The following INO80E variants were observed in gnomAD, a reference collection of about 807,000 sequenced individuals.
INO80E encodes coiled-coil domain containing 95.
INO80E carries 20 observed loss-of-function variants against 27.3 expected under a neutral mutation model. The ratio of observed to expected loss-of-function variants is 0.73; its 90% CI spans 0.51 to 1.06. The LOEUF (loss-of-function observed/expected upper bound fraction) is 1.06. INO80E is among the 50% of genes least tolerant of loss of function. The pLI is 0.00. For missense variants in INO80E, 357 were observed against 322.8 expected, an observed-to-expected ratio of 1.11 and a Z score of -0.81; for synonymous variants, 167 against 145.9, an observed-to-expected ratio of 1.14 and a Z score of -1.04.
chr16:30,005,165 C>T (rs989058110), intron 6 of INO80E, 56 bp from the exon 7 acceptor site: 3 of 1,427,132 alleles, frequency 2.1e-6, no homozygotes, highest in South Asian at 1.6e-5. Flanking sequence ...GCCTAGTCTC[C>T]TGAGGCCCCA....
intron 6 of INO80E, chr16:30,001,912 C>G (rs544611585): frequency 2.4e-4 from 47 of 198,168 alleles, no homozygotes; most frequent in Non-Finnish European, 4.1e-4. Context: ...TTGAGCAGGT[C>G]TCTGCTACCC....
intron 3 of INO80E, among the ~76,000 whole-genome samples, chr16:29,998,187 A>C (rs529688307): frequency 2.6e-5 from 4 of 151,202 alleles, no homozygotes; most frequent in African/African-American, 9.7e-5. Flanking sequence ...GTTACTCGGG[A>C]GGCTGAGGCA....
chr16:30,004,649 G>A (rs148411561), intron 6 of INO80E: 6 of 155,358 alleles, frequency 3.9e-5, no homozygotes, highest in East Asian at 3.9e-4. Context: ...GGCTGGGACC[G>A]CAGCCCAGGT....
At chr16:30,001,767 T>C in intron 6 of INO80E, 1 of 504,394 alleles carries the variant, frequency 2.0e-6, no homozygotes, top group Non-Finnish European at 3.5e-6. Context: ...TCCCGCCCTT[T>C]CATGGCTGCA....
At position 30,005,415 on chromosome 16, in the gene INO80E, T is replaced by C. The variant is rs2070539418; in HGVS notation, c.708T>C (p.Asp236=). 1.2e-6 allele frequency: 2 copies of C among 1,602,370 alleles called. No homozygotes were observed. Among genetic ancestry groups the C allele is most frequent in the African/African-American group, 1.4e-5 (1 of 73,916 alleles). ...GSGDDALDGD[D]DLVIDIPE ...GGGACGATGCCTTGGATGGAGACGA[T>C]GACCTGGTGATCGACATCCCGGAGT... Residue 236 remains aspartate (D), a synonymous_variant, in exon 7 of 7, where the codon GAT becomes GAC. Coordinates refer to ENST00000563197, the MANE Select transcript of INO80E (RefSeq NM_173618.3).
At chr16:30,001,151 G>C (rs2070335759) in intron 5 of INO80E, 111 bp downstream of exon 5, 3 of 1,472,448 alleles carry the variant, frequency 2.0e-6, no homozygotes, top group Non-Finnish European at 2.7e-6. Flanking sequence ...ATCTGTCTGG[G>C]TGTGGCCCAA....
At chr16:30,004,139 C>T (rs1252804407) in intron 6 of INO80E, 2 of 152,428 alleles carry the variant, frequency 1.3e-5, no homozygotes, top group Non-Finnish European at 2.9e-5. Context: ...CAGGGCCAGA[C>T]TGGACACTGC....
rs2070550607 is a variant in INO80E, at chr16:30,005,600, C to A, written c.*158C>A. ...AGGCGTAAACATGCACGGGTGTCCCCCAGGAGGGTGGCAGGGGCCCTGCCT... is the reference window on the plus strand; with the variant it reads ...AGGCGTAAACATGCACGGGTGTCCCACAGGAGGGTGGCAGGGGCCCTGCCT... On this transcript the variant is annotated 3_prime_UTR_variant, in exon 7 of 7. Coordinates refer to ENST00000563197, the MANE Select transcript of INO80E (RefSeq NM_173618.3). 3 of 727,476 alleles carry A rather than the reference C, an allele frequency of 4.1e-6. No individual in the cohort carries two copies. The highest frequency in any genetic ancestry group is 6.8e-6 in the Non-Finnish European group (3 of 441,516). The allele number at this position is 727,476 out of a possible 1,614,324, so 45.1% of individuals were successfully genotyped here. A position where few individuals can be genotyped will look rare whatever the true frequency, so the allele number is the denominator to read the frequency against.
chr16:30,002,284 T>G (rs1596677478), intron 6 of INO80E: 1 of 152,346 alleles, frequency 6.6e-6, no homozygotes, highest in African/African-American at 2.4e-5. Context: ...AGCAGGGAAT[T>G]GGGTCCCGGA....
intron 3 of INO80E, chr16:29,999,398 C>T (rs1324387117): frequency 1.3e-5 from 2 of 152,268 alleles, no homozygotes; most frequent in Admixed American, 6.5e-5. Context: ...CACTCCCGTC[C>T]TGGAGGCCCA....
Position 30,001,040 on chromosome 16 carries a change from G to C in INO80E, c.396G>C (p.Ser132=). The part of the protein sequence containing the change: ...ASGVPSPYLS[S]LASSRYPPFP... ...GGGTCCCCTCCCCATACCTGAGCTCGGTGAGTTGGGGTCAGGGATGGGAAG... is the reference window on the plus strand; with the variant it reads ...GGGTCCCCTCCCCATACCTGAGCTCCGTGAGTTGGGGTCAGGGATGGGAAG... Residue 132 remains serine, a splice_region_variant and synonymous_variant, in exon 5 of 7, where the codon TCG becomes TCC. Coordinates refer to ENST00000563197, the MANE Select transcript of INO80E (RefSeq NM_173618.3). 3 of 1,539,326 alleles carry C rather than the reference G, an allele frequency of 1.9e-6. No individual in the cohort carries two copies. The highest frequency in any genetic ancestry group is 1.8e-6 in the Non-Finnish European group (2 of 1,141,814).
rs997379972 is a variant in INO80E, at chr16:30,001,040, G to A, written c.396G>A (p.Ser132=). The A allele has an allele frequency of 1.3e-6, 2 of 1,539,326 alleles. No individual in the cohort carries two copies. Among genetic ancestry groups the A allele is most frequent in the East Asian group, 2.3e-5 (1 of 44,180 alleles). The part of the protein sequence containing the change: ...ASGVPSPYLS[S]LASSRYPPFP... ...GGGTCCCCTCCCCATACCTGAGCTCGGTGAGTTGGGGTCAGGGATGGGAAG... is the reference window on the plus strand; with the variant it reads ...GGGTCCCCTCCCCATACCTGAGCTCAGTGAGTTGGGGTCAGGGATGGGAAG... The change falls in exon 5 of 7, where the codon TCG becomes TCA. Residue 132 remains serine (S), a splice_region_variant and synonymous_variant. Transcript: ENST00000563197.
chr16:30,005,110 G>A, intron 6 of INO80E, 111 bp from the exon 7 acceptor site: 1 of 1,210,386 alleles, frequency 8.3e-7, no homozygotes, highest in Non-Finnish European at 1.1e-6. Context: ...GCCCAGCTGT[G>A]CCCAGGGCCT....
chr16:29,996,979 G>T (rs564791431), intron 3 of INO80E, 119 bp downstream of exon 3: 281 of 925,756 alleles, frequency 3.0e-4, no homozygotes, highest in Non-Finnish European at 4.3e-4. Context: ...CTTAAGCCTA[G>T]TTGCTTGCCT....
At chr16:30,001,839 G>C (rs146716283) in intron 6 of INO80E, 9 of 371,584 alleles carry the variant, frequency 2.4e-5, no homozygotes, top group East Asian at 1.6e-4. Flanking sequence ...GGTAGCCCCA[G>C]ACCGGGTCAG....
chr16:30,001,647 C>A, intron 6 of INO80E, 117 bp downstream of exon 6: 2 of 936,112 alleles, frequency 2.1e-6, no homozygotes, highest in South Asian at 1.6e-5. Flanking sequence ...GGGACCCAGT[C>A]AGCACTTAGC....
rs777434646 is a variant in INO80E at position 30,001,510 on chromosome 16, C to T, written c.493C>T (p.Arg165Cys). The part of the protein sequence containing the change: ...PLRPKREKRP[R>C]LPRKLKMAVG... ...GAGGCCCAAGCGGGAGAAACGGCCC[C>T]GCCTGCCCCGGAAACTCAAGGTACC... The change falls in exon 6 of 7, where the codon CGC (arginine) becomes TGC (cysteine). Residue 165 changes from arginine (R) to cysteine (C), a missense_variant. Transcript: ENST00000563197. 19 of 1,612,886 alleles carry T rather than the reference C, an allele frequency of 1.2e-5. No homozygotes were observed. The highest frequency in any genetic ancestry group is 6.6e-5 in the South Asian group (6 of 90,886).
Position 30,001,433 on chromosome 16 carries a change from C to A in INO80E, c.416C>A (p.Pro139His). 6.2e-7 allele frequency: 1 copy of A among 1,609,342 alleles called. No individual in the cohort carries two copies. The highest frequency in any genetic ancestry group is 8.5e-7 in the Non-Finnish European group (1 of 1,177,770). ...YLSSLASSRY[P>H]PFPSDYLALQ... is the part of the protein sequence containing the mutation. ...CCGCAGCTGGCCTCCTCCCGCTACC[C>A]CCCATTCCCTTCTGACTACCTGGCC... is the stretch of plus-strand genomic sequence containing the variant. Residue 139 changes from proline (P) to histidine (H), a missense_variant, in exon 6 of 7, where the codon CCC becomes CAC. Coordinates refer to ENST00000563197, the MANE Select transcript of INO80E (RefSeq NM_173618.3).
chr16:29,997,060 CA>C (rs1226362023), intron 3 of INO80E, among the ~76,000 whole-genome samples, 200 bp downstream of exon 3: 1 of 152,192 alleles, frequency 6.6e-6, no homozygotes, highest in Non-Finnish European at 1.5e-5. Context: ...GTGCTTGGCA[CA>C]GGGGATACAG....
Sources: allele counts gnomAD v4.1 joint callset (sites outside exome capture counted in the v4.1 genomes callset), GRCh38; gene constraint gnomAD v4.1.1; transcripts MANE v1.5; gene names NCBI Gene and HGNC (gene_info 2026-07-23, HGNC 2026-07-21).